The following TMEM126A variants were observed in gnomAD, a reference collection of about 807,000 sequenced individuals.
TMEM126A encodes optic atrophy 7.
A neutral mutation model predicts 18.3 loss-of-function variants in TMEM126A; 10 were observed. That is an observed-to-expected ratio of 0.55 (90% CI 0.34 to 0.93). TMEM126A has a LOEUF of 0.93. Among genes scored for constraint, TMEM126A ranks in the 40% least tolerant of loss-of-function variants. The probability of loss-of-function intolerance (pLI) is 0.02; values close to 1 mark genes in which losing one functional copy is unlikely to be tolerated. For missense variants in TMEM126A, 246 were observed against 230.2 expected (o/e 1.07, Z -0.44); for synonymous variants, 68 against 78.1 (o/e 0.87, Z 0.68).
intron 4 of TMEM126A, 141 bp downstream of exon 4, chr11:85,655,849 T>C (rs2082534055): frequency 4.8e-6 from 3 of 629,632 alleles, no homozygotes; most frequent in Non-Finnish European, 8.4e-6. Flanking sequence ...ACCTGTTTTT[T>C]CTTATAATGA....
At position 85,650,465 on chromosome 11, in the gene TMEM126A, T is replaced by C. The variant is rs554000844; in HGVS notation, c.86+124T>C. 1.3e-3 allele frequency: 1,028 copies of C among 769,916 alleles called. 2 individuals carry two copies. The highest frequency in any genetic ancestry group is 2.0e-3 in the Middle Eastern group (6 of 3,032). The allele number at this position is 769,916 out of a possible 1,614,324, so 47.7% of individuals were successfully genotyped here. A position where few individuals can be genotyped will look rare whatever the true frequency, so the allele number is the denominator to read the frequency against. ...GAATGTGAGAAGGAAATTGCCCTTT[T>C]CTTGCCTGGATGAGAGCGTTTAACC... On this transcript the variant is annotated intron_variant, in intron 2 of 4. Transcript: ENST00000304511.
At chr11:85,651,178 G>C (rs1565799331) in intron 2 of TMEM126A, among the ~76,000 whole-genome samples, 2 of 150,498 alleles carry the variant, frequency 1.3e-5, no homozygotes, top group Admixed American at 1.3e-4. Flanking sequence ...CTTACACTTT[G>C]TTGACAGTCA....
Position 85,655,712 on chromosome 11 carries a change from G to A in TMEM126A, c.395+4G>A, listed in dbSNP as rs758007906. Reference sequence around the variant, plus strand: ...TAAATGGTGGTCTAGCAGCCAGGTAGGAAATAAAAAACTTTTTATAATATG... The same window carrying A: ...TAAATGGTGGTCTAGCAGCCAGGTAAGAAATAAAAAACTTTTTATAATATG... On this transcript the variant is annotated splice_donor_region_variant and intron_variant, in intron 4 of 4. Coordinates refer to ENST00000304511, the MANE Select transcript of TMEM126A (RefSeq NM_032273.4). 55 of 1,603,628 alleles carry A rather than the reference G, an allele frequency of 3.4e-5. No homozygotes were observed. The highest frequency in any genetic ancestry group is 1.6e-4 in the Middle Eastern group (1 of 6,068).
intron 2 of TMEM126A, among the ~76,000 whole-genome samples, chr11:85,651,536 G>A (rs2082499725): frequency 6.6e-6 from 1 of 152,138 alleles, no homozygotes; most frequent in Non-Finnish European, 1.5e-5. Context: ...AAAAGAGGAT[G>A]CATTTAAAAT....
chr11:85,651,686 G>GA lies in TMEM126A; in HGVS notation c.86+1353dup, dbSNP rs1401593144. On this transcript the variant is annotated intron_variant, in intron 2 of 4. Transcript: ENST00000304511. ...TCAGAACAAGGATCTCCAAGGGGAA[G>GA]AAAAAAAAGGCCAGTAGTAAGAACT... Among the ~76,000 whole-genome samples, 5 of 151,492 alleles carry GA rather than the reference G, an allele frequency of 3.3e-5. No homozygotes were observed. The South Asian group carries it at 1.0e-3, about 32-fold the overall frequency.
chr11:85,652,370 T>C (rs17148293), intron 2 of TMEM126A, among the ~76,000 whole-genome samples: 31,470 of 152,182 alleles, frequency 0.21, 4,201 homozygotes, highest in African/African-American at 0.37. Context: ...CCCATTTTAT[T>C]TTCTAAGTTT....
intron 3 of TMEM126A, 25 bp from the exon 4 acceptor site, chr11:85,655,569 T>C (rs2082531786): frequency 6.5e-7 from 1 of 1,549,130 alleles, no homozygotes; most frequent in Admixed American, 1.7e-5. Flanking sequence ...ATGACCTTCA[T>C]TTCTATGACT....
chr11:85,653,318 T>C (rs1022711290), intron 2 of TMEM126A, among the ~76,000 whole-genome samples: 3 of 152,276 alleles, frequency 2.0e-5, no homozygotes, highest in South Asian at 4.1e-4. Flanking sequence ...GTGTAAGCCA[T>C]AGAAGTTAGA....
At chr11:85,655,554 C>G (rs113580531) in intron 3 of TMEM126A, 40 bp from the exon 4 acceptor site, 1 of 1,417,680 alleles carries the variant, frequency 7.1e-7, no homozygotes. Flanking sequence ...GTTTGCTTGA[C>G]TATCATGACC....
At chr11:85,653,910 A>ATAT in intron 2 of TMEM126A, 153 bp from the exon 3 acceptor site, 2 of 833,280 alleles carry the variant, frequency 2.4e-6, no homozygotes, top group East Asian at 5.2e-5. Context: ...GCAAAAACCT[A>ATAT]TATATAAAGC....
In TMEM126A at chr11:85,654,044, T is replaced by C. The variant is rs778679518; in HGVS notation, c.87-19T>C. The C allele has an allele frequency of 1.2e-6, 2 of 1,614,134 alleles. No homozygotes were observed. Among genetic ancestry groups the C allele is most frequent in the Admixed American group, 1.7e-5 (1 of 60,018 alleles). Reference sequence around the variant, plus strand: ...ACACAATAATGCCAAAGAAAAGTTCTTTCTTCTCACCCTTTCAGGAATCTA... The same window carrying C: ...ACACAATAATGCCAAAGAAAAGTTCCTTCTTCTCACCCTTTCAGGAATCTA... On this transcript the variant is annotated intron_variant, in intron 2 of 4. Coordinates refer to ENST00000304511, the MANE Select transcript of TMEM126A (RefSeq NM_032273.4).
chr11:85,652,769 T>TA (rs1292631902), intron 2 of TMEM126A, among the ~76,000 whole-genome samples: 2 of 151,774 alleles, frequency 1.3e-5, no homozygotes, highest in African/African-American at 4.8e-5. Flanking sequence ...AACATACTTG[T>TA]AAACAAATGG....
intron 4 of TMEM126A, 125 bp from the exon 5 acceptor site, chr11:85,656,184 C>A: frequency 1.1e-6 from 1 of 871,052 alleles, no homozygotes. Flanking sequence ...TTAATAGACA[C>A]TGAAGACCTT....
At chr11:85,650,119 A>AT (rs1201999859) in intron 1 of TMEM126A, 130 bp from the exon 2 acceptor site, 195 of 584,258 alleles carry the variant, frequency 3.3e-4, no homozygotes, top group Middle Eastern at 1.4e-3. Flanking sequence ...TTTCACTTAG[A>AT]TTTTTTTTTA....
intron 1 of TMEM126A, among the ~76,000 whole-genome samples, chr11:85,648,666 G>T (rs1018367836): frequency 1.3e-5 from 2 of 152,140 alleles, no homozygotes; most frequent in African/African-American, 4.8e-5. Context: ...GTACAGCAGA[G>T]ATTGTGTCTT....
intron 1 of TMEM126A, among the ~76,000 whole-genome samples, chr11:85,649,944 G>C (rs886463074): frequency 1.2e-4 from 19 of 152,024 alleles, no homozygotes; most frequent in Non-Finnish European, 2.6e-4. Flanking sequence ...TATCTTTATG[G>C]TATATGTTGA....
chr11:85,650,484 T>A, intron 2 of TMEM126A, 143 bp downstream of exon 2: 2 of 682,294 alleles, frequency 2.9e-6, no homozygotes, highest in South Asian at 3.5e-5. Context: ...GATGAGAGCG[T>A]TTAACCATTT....
rs1316322556 is a variant in TMEM126A at position 85,656,304 on chromosome 11, T to TA, written c.396-4dup. 59 of 1,610,048 alleles carry TA rather than the reference T, an allele frequency of 3.7e-5. No homozygotes were observed. Among genetic ancestry groups the TA allele is most frequent in the Non-Finnish European group, 4.3e-5 (51 of 1,178,856 alleles). On this transcript the variant is annotated splice_polypyrimidine_tract_variant and splice_region_variant and intron_variant, in intron 4 of 4. Transcript: ENST00000304511. ...CTATTGAACTATCTCAATGTTTTCT[T>TA]ACAGGTATCAATCAGCTCTGTTACC...
At chr11:85,651,320 T>C (rs1186812285) in intron 2 of TMEM126A, among the ~76,000 whole-genome samples, 2 of 152,142 alleles carry the variant, frequency 1.3e-5, no homozygotes, top group South Asian at 2.1e-4. Context: ...TGAGTAACCA[T>C]TGTTACCGAA....
Sources: allele counts gnomAD v4.1 joint callset (sites outside exome capture counted in the v4.1 genomes callset), GRCh38; gene constraint gnomAD v4.1.1; transcripts MANE v1.5; gene names NCBI Gene and HGNC (gene_info 2026-07-23, HGNC 2026-07-21).